MKLN1: variants seen among roughly 807,000 people sequenced by gnomAD.
MKLN1 encodes the protein muskelin.
A neutral mutation model predicts 99.0 loss-of-function variants in MKLN1; 18 were observed. That is an observed-to-expected ratio of 0.18 (90% confidence interval 0.13 to 0.27). The LOEUF is 0.27. MKLN1 is among the 10% of genes least tolerant of loss of function. The pLI is 1.00. For synonymous variants in MKLN1, 288 were observed against 293.2 expected (o/e 0.98, Z 0.18); for missense variants, 621 against 875.9 (o/e 0.71, Z 3.67).
At chr7:131,443,151 G>C (rs17743575) in intron 10 of MKLN1, among the ~76,000 whole-genome samples, 9,633 of 152,148 alleles carry the variant, frequency 0.063, 361 homozygotes, top group Non-Finnish European at 0.075. Flanking sequence ...TATAAGGAGG[G>C]TATGATCACT....
At chr7:131,440,618 C>T (rs1049248330) in intron 10 of MKLN1, among the ~76,000 whole-genome samples, 4 of 151,520 alleles carry the variant, frequency 2.6e-5, no homozygotes, top group Non-Finnish European at 4.4e-5. Context: ...CTACAAAGAG[C>T]GTAAAGAAGA....
chr7:131,496,080 T>C lies in MKLN1; in HGVS notation c.*8352T>C, dbSNP rs556921637. ...CAAATGTCTCTCAAAAAAAATTGTATTTCTGTGCACATTAGCTGAGATTCA... is the reference window on the plus strand; with the variant it reads ...CAAATGTCTCTCAAAAAAAATTGTACTTCTGTGCACATTAGCTGAGATTCA... On this transcript the variant is annotated 3_prime_UTR_variant, in exon 18 of 18. Coordinates refer to ENST00000352689, the MANE Select transcript of MKLN1 (RefSeq NM_013255.5). 1 of 151,494 alleles carries C rather than the reference T, an allele frequency of 6.6e-6. No homozygotes were observed. The highest frequency in any genetic ancestry group is 2.5e-5 in the African/African-American group (1 of 40,770). The allele number at this position is 151,494 out of a possible 1,614,324, so 9.4% of individuals were successfully genotyped here.
At chr7:131,247,369 C>T (rs1275843924) in intron 3 of MKLN1, among the ~76,000 whole-genome samples, 2 of 151,870 alleles carry the variant, frequency 1.3e-5, no homozygotes, top group Non-Finnish European at 2.9e-5. Flanking sequence ...ACACGCACCA[C>T]CACGCCCAGC....
chr7:131,130,520 T>C (rs572249128), intron 1 of MKLN1, among the ~76,000 whole-genome samples: 2 of 152,354 alleles, frequency 1.3e-5, no homozygotes, highest in African/African-American at 4.8e-5. Flanking sequence ...AGGTCATAAA[T>C]GTCAAGTGAT....
chr7:131,198,681 G>T (rs1415354863), intron 2 of MKLN1, among the ~76,000 whole-genome samples: 2 of 152,090 alleles, frequency 1.3e-5, no homozygotes, highest in African/African-American at 4.8e-5. Flanking sequence ...TAATAGAAAA[G>T]GTAGAAGACT....
intron 2 of MKLN1, among the ~76,000 whole-genome samples, chr7:131,186,743 G>A (rs1412231335): frequency 2.6e-5 from 4 of 152,204 alleles, no homozygotes; most frequent in Non-Finnish European, 4.4e-5. Flanking sequence ...TGAAATGACA[G>A]GATGTAACTG....
intron 1 of MKLN1, among the ~76,000 whole-genome samples, chr7:131,331,365 A>G (rs1302241413): frequency 6.6e-6 from 1 of 152,222 alleles, no homozygotes; most frequent in African/African-American, 2.4e-5. Flanking sequence ...CTGAGCATTT[A>G]GCATGTGTTC....
At chr7:131,229,981 G>A (rs1266191763) in intron 3 of MKLN1, among the ~76,000 whole-genome samples, 1 of 152,100 alleles carries the variant, frequency 6.6e-6, no homozygotes, top group Non-Finnish European at 1.5e-5. Flanking sequence ...TATACTTCGG[G>A]GTAAAATATT....
intron 9 of MKLN1, among the ~76,000 whole-genome samples, chr7:131,436,757 G>A (rs953411891): frequency 6.6e-6 from 1 of 151,944 alleles, no homozygotes; most frequent in African/African-American, 2.4e-5. Context: ...CTTTTTCCCC[G>A]ATGAACCCTT....
intron 3 of MKLN1, among the ~76,000 whole-genome samples, chr7:131,300,474 A>T (rs973309731): frequency 1.3e-5 from 2 of 149,406 alleles, no homozygotes; most frequent in African/African-American, 4.9e-5. Flanking sequence ...TGAGGCCAGG[A>T]GTTCAAGACC....
intron 3 of MKLN1, among the ~76,000 whole-genome samples, chr7:131,305,821 G>A (rs755954736): frequency 1.3e-4 from 20 of 152,164 alleles, no homozygotes; most frequent in Non-Finnish European, 2.8e-4. Context: ...AAAGAGAGTG[G>A]ATAGCGACAA....
intron 2 of MKLN1, among the ~76,000 whole-genome samples, chr7:131,156,119 T>A (rs184557036): frequency 1.3e-5 from 2 of 152,312 alleles, no homozygotes; most frequent in South Asian, 2.1e-4. Context: ...TTGTTAGGGA[T>A]GCAAAAGTCA....
chr7:131,218,438 A>T (rs1361975150), intron 3 of MKLN1, among the ~76,000 whole-genome samples: 6 of 152,196 alleles, frequency 3.9e-5, no homozygotes, highest in Non-Finnish European at 7.3e-5. Context: ...GAGCAAGTAG[A>T]GGGGGTTAGT....
At chr7:131,330,745 A>G (rs533451258) in intron 1 of MKLN1, among the ~76,000 whole-genome samples, 5 of 152,232 alleles carry the variant, frequency 3.3e-5, no homozygotes, top group South Asian at 2.1e-4. Context: ...TTTTATCTCT[A>G]TTTTCTTTCT....
intron 11 of MKLN1, among the ~76,000 whole-genome samples, chr7:131,444,748 T>A (rs113449593): frequency 0.015 from 868 of 57,250 alleles, 3 homozygotes; most frequent in East Asian, 0.038. Context: ...GTAGTAGTAG[T>A]AGTAGTAGTA....
intron 1 of MKLN1, among the ~76,000 whole-genome samples, chr7:131,127,660 C>T (rs1795485009): frequency 6.6e-6 from 1 of 152,114 alleles, no homozygotes; most frequent in South Asian, 2.1e-4. Context: ...AATGGCTTGC[C>T]CTGGGCAGGA....
At position 131,429,014 on chromosome 7, in the gene MKLN1, A is replaced by G. The variant is rs1402014355; in HGVS notation, c.848-19A>G. 6.3e-7 allele frequency: 1 copy of G among 1,595,500 alleles called. No homozygotes were observed. Among genetic ancestry groups the G allele is most frequent in the South Asian group, 1.1e-5 (1 of 89,302 alleles). On this transcript the variant is annotated intron_variant, in intron 8 of 17. Coordinates refer to ENST00000352689, the MANE Select transcript of MKLN1 (RefSeq NM_013255.5). ...ATTTTGTCCTTTTTTTTTTACACATATTTTTCTGATTTTCATAGAGACTGT... is the reference window on the plus strand; with the variant it reads ...ATTTTGTCCTTTTTTTTTTACACATGTTTTTCTGATTTTCATAGAGACTGT...
chr7:131,457,135 G>A (rs181162843), intron 12 of MKLN1, among the ~76,000 whole-genome samples: 1 of 152,132 alleles, frequency 6.6e-6, no homozygotes, highest in Non-Finnish European at 1.5e-5. Flanking sequence ...AAATTAGCCA[G>A]GCATGGTGGC....
intron 1 of MKLN1, among the ~76,000 whole-genome samples, chr7:131,142,219 A>G (rs1795744714): frequency 6.6e-6 from 1 of 152,136 alleles, no homozygotes; most frequent in South Asian, 2.1e-4. Context: ...CAGCCTGGCC[A>G]AAATGGCAAA....
Sources: gnomAD v4.1 joint callset for allele counts (sites outside exome capture counted in the v4.1 genomes callset) on GRCh38, gnomAD v4.1.1 for gene constraint, MANE v1.5 for transcripts, NCBI Gene and HGNC (gene_info 2026-07-23, HGNC 2026-07-21) for gene names.